The following AMMECR1 variants were observed in gnomAD, a reference collection of about 807,000 sequenced individuals.
AMMECR1 encodes nuclear protein AMMECR1.
In AMMECR1, 3 loss-of-function variants were observed where a neutral mutation model predicts 22.5. The ratio of observed to expected loss-of-function variants is 0.13; its 90% CI spans 0.06 to 0.35. The LOEUF (loss-of-function observed/expected upper bound fraction) is 0.35. Among genes scored for constraint, AMMECR1 ranks in the 10% least tolerant of loss-of-function variants. The pLI is 1.00. For synonymous variants in AMMECR1, 130 were observed against 116.7 expected (o/e 1.11, Z -0.74); for missense variants, 235 against 278.7 (o/e 0.84, Z 1.12).
At chrX:110,379,898 T>C (rs1038173953) in intron 2 of AMMECR1, among the ~76,000 whole-genome samples, 5 of 111,878 alleles carry the variant, frequency 4.5e-5, no homozygotes, top group Non-Finnish European at 9.4e-5. Flanking sequence ...GATGTATCTA[T>C]ATATATCATA....
chrX:110,247,972 G>A (rs896868174), intron 2 of AMMECR1, among the ~76,000 whole-genome samples: 2 of 112,017 alleles, frequency 1.8e-5, no homozygotes, highest in African/African-American at 3.2e-5. Context: ...ACTATTGTTT[G>A]CCACAGAATT....
At chrX:110,367,973 AATTATT>A (rs201193443) in intron 2 of AMMECR1, among the ~76,000 whole-genome samples, 1,646 of 85,294 alleles carry the variant, frequency 0.019, 26 homozygotes, top group East Asian at 0.052. Context: ...AGTGCTGGCT[AATTATT>A]ATTATTATTA....
chrX:110,437,459 T>C (rs2068847339), intron 1 of AMMECR1, among the ~76,000 whole-genome samples: 1 of 112,070 alleles, frequency 8.9e-6, no homozygotes, highest in African/African-American at 3.2e-5. Context: ...GTTATACCAC[T>C]TGCCCAAGGC....
intron 2 of AMMECR1, among the ~76,000 whole-genome samples, chrX:110,338,845 T>A (rs2068150704): frequency 8.9e-6 from 1 of 111,871 alleles, no homozygotes; most frequent in African/African-American, 3.3e-5. Flanking sequence ...GATACCTAAT[T>A]AGATTCATCA....
At chrX:110,277,645 C>G (rs2067832902) in intron 1 of AMMECR1, among the ~76,000 whole-genome samples, 1 of 111,815 alleles carries the variant, frequency 8.9e-6, no homozygotes, top group Admixed American at 9.4e-5. Flanking sequence ...AGGTGGTGAA[C>G]TCTTAGAAGA....
chrX:110,300,493 CATAGG>C (rs1314704038), intron 1 of AMMECR1, among the ~76,000 whole-genome samples: 2 of 111,858 alleles, frequency 1.8e-5, no homozygotes, highest in Non-Finnish European at 3.8e-5. Flanking sequence ...TTGTTTCTAA[CATAGG>C]ATTGTCATTG....
intron 1 of AMMECR1, among the ~76,000 whole-genome samples, chrX:110,316,934 A>G (rs2068051254): frequency 9.0e-6 from 1 of 110,678 alleles, no homozygotes; most frequent in Admixed American, 9.6e-5. Context: ...CGCACTCTTC[A>G]AATGTGAGGA....
At chrX:110,207,176 C>G (rs1490211595) in intron 3 of AMMECR1, among the ~76,000 whole-genome samples, 1 of 111,292 alleles carries the variant, frequency 9.0e-6, no homozygotes, top group Non-Finnish European at 1.9e-5. Context: ...CAGAAACAAA[C>G]ACTGTATTGG....
chrX:110,402,076 T>C (rs751325296), intron 2 of AMMECR1, among the ~76,000 whole-genome samples: 1 of 112,208 alleles, frequency 8.9e-6, no homozygotes, highest in East Asian at 2.8e-4. Context: ...TCCCACACTT[T>C]CCAGGTCAAT....
At chrX:110,398,928 T>G (rs1304807497) in intron 2 of AMMECR1, among the ~76,000 whole-genome samples, 1 of 112,396 alleles carries the variant, frequency 8.9e-6, no homozygotes, top group Non-Finnish European at 1.9e-5. Context: ...TCTAAATCTA[T>G]GTTTTTGCTC....
At chrX:110,284,507 T>C in intron 1 of AMMECR1, among the ~76,000 whole-genome samples, 1 of 112,003 alleles carries the variant, frequency 8.9e-6, no homozygotes, top group Non-Finnish European at 1.9e-5. Context: ...TGAGGCAAAT[T>C]TGCAAACTGG....
At chrX:110,256,135 C>T (rs368376368) in intron 2 of AMMECR1, among the ~76,000 whole-genome samples, 1 of 111,752 alleles carries the variant, frequency 8.9e-6, no homozygotes, top group African/African-American at 3.2e-5. Flanking sequence ...TAGTCTACAA[C>T]GTACCTAGGC....
chrX:110,341,353 G>A (rs772969051), intron 2 of AMMECR1, among the ~76,000 whole-genome samples: 1 of 112,592 alleles, frequency 8.9e-6, no homozygotes, highest in Admixed American at 9.4e-5. Context: ...AAATTTAGCA[G>A]TCTCTAGAAG....
At chrX:110,425,256 C>A (rs2148325424) in intron 2 of AMMECR1, among the ~76,000 whole-genome samples, 1 of 112,322 alleles carries the variant, frequency 8.9e-6, no homozygotes, top group East Asian at 2.8e-4. Flanking sequence ...GAAAGGCAAC[C>A]AAGGGAGTTA....
At chrX:110,377,834 C>T (rs1194430337) in intron 2 of AMMECR1, among the ~76,000 whole-genome samples, 2 of 107,811 alleles carry the variant, frequency 1.9e-5, no homozygotes, top group African/African-American at 3.4e-5. Flanking sequence ...ACGGTGAAAC[C>T]CCGTCTCTAC....
intron 1 of AMMECR1, among the ~76,000 whole-genome samples, chrX:110,312,325 CAT>C (rs778482669): frequency 1.6e-3 from 183 of 112,741 alleles, no homozygotes; most frequent in African/African-American, 3.3e-3. Flanking sequence ...CAACAACACA[CAT>C]GTTAGCATGT....
At chrX:110,404,757 AG>A (rs1342864675) in intron 2 of AMMECR1, among the ~76,000 whole-genome samples, 1 of 111,728 alleles carries the variant, frequency 9.0e-6, no homozygotes, top group Non-Finnish European at 1.9e-5. Context: ...TGACTCTGTC[AG>A]GGTTGCTGAA....
intron 2 of AMMECR1, among the ~76,000 whole-genome samples, chrX:110,386,340 T>C (rs1278787017): frequency 9.1e-6 from 1 of 109,922 alleles, no homozygotes; most frequent in Non-Finnish European, 1.9e-5. Context: ...ATTTTTATTA[T>C]ATTTATTTTA....
In AMMECR1 at chrX:110,196,355, CTTGTT is replaced by C. The variant is rs1167966742; in HGVS notation, c.*2160_*2164del. ...GTCTATTTTGTCTCTCTTCAGTTTG[CTTGTT>C]TTATTTACCTTTTTTTCCTTTTTTT... On this transcript the variant is annotated 3_prime_UTR_variant, in exon 6 of 6. Coordinates refer to ENST00000262844, the MANE Select transcript of AMMECR1 (RefSeq NM_015365.3). 1 of 109,536 alleles carries C rather than the reference CTTGTT, an allele frequency of 9.1e-6. No homozygotes were observed. Among genetic ancestry groups the C allele is most frequent in the Non-Finnish European group, 1.9e-5 (1 of 52,532 alleles). The allele number at this position is 109,536 out of a possible 1,213,427, so 9.0% of individuals were successfully genotyped here. A position where few individuals can be genotyped will look rare whatever the true frequency, so the allele number is the denominator to read the frequency against.
Sources: gnomAD v4.1 joint callset for allele counts (sites outside exome capture counted in the v4.1 genomes callset) on GRCh38, gnomAD v4.1.1 for gene constraint, MANE v1.5 for transcripts, NCBI Gene and HGNC (gene_info 2026-07-23, HGNC 2026-07-21) for gene names.